The following PIEZO1 variants were observed in gnomAD, a reference collection of about 807,000 sequenced individuals.
The protein encoded by PIEZO1 is piezo-type mechanosensitive ion channel component 1.
A neutral mutation model predicts 297.2 loss-of-function variants in PIEZO1; 296 were observed. The ratio of observed to expected loss-of-function variants is 1.00; its 90% CI spans 0.91 to 1.10. PIEZO1 has a LOEUF of 1.10. Ranked by LOEUF, PIEZO1 falls within the 50% of genes least tolerant of loss-of-function variation. The pLI is 0.00. For synonymous variants in PIEZO1, 2,427 were observed against 1,507.5 expected (o/e 1.61, Z -14.13); for missense variants, 5,018 against 3,455.5 (o/e 1.45, Z -11.34).
At chr16:88,751,111 GGCCCA>G (rs967544320) in intron 1 of PIEZO1, among the ~76,000 whole-genome samples, 2 of 152,142 alleles carry the variant, frequency 1.3e-5, no homozygotes, top group African/African-American at 2.4e-5. Context: ...TCTGGAGGGA[GGCCCA>G]GCCCAGCCCA....
chr16:88,721,242 A>G lies in PIEZO1; in HGVS notation c.5592T>C (p.Arg1864=). 1 of 1,541,506 alleles carries G rather than the reference A, an allele frequency of 6.5e-7. No homozygotes were observed. ...AACGTAGACTGATGCGCCTCGTATC[A>G]CGGGGCCTGAGCTCCACTTGGGGTT... ...TPEPQVELRP[R]DTRRISLRFR... The change falls in exon 39 of 51, where the codon CGT becomes CGC. Residue 1864 remains arginine, a synonymous_variant. Transcript: ENST00000301015.
At chr16:88,742,657 GC>G (rs1905763527) in intron 2 of PIEZO1, 1 of 519,988 alleles carries the variant, frequency 1.9e-6, no homozygotes, top group Admixed American at 3.6e-5. Context: ...AGCAGGATGG[GC>G]CTGGGGCCCA....
chr16:88,736,011 G>T, intron 12 of PIEZO1, 137 bp downstream of exon 12: 4 of 851,974 alleles, frequency 4.7e-6, no homozygotes, highest in Admixed American at 2.8e-5. Context: ...CTGGCTCTGG[G>T]TGGGCAGAAG....
At chr16:88,773,119 C>A (rs182784200) in intron 1 of PIEZO1, among the ~76,000 whole-genome samples, 8 of 152,394 alleles carry the variant, frequency 5.2e-5, no homozygotes, top group Non-Finnish European at 1.0e-4. Flanking sequence ...CTGTCACCAG[C>A]GGCTCCAGCC....
At chr16:88,758,663 C>A (rs373616260) in intron 1 of PIEZO1, among the ~76,000 whole-genome samples, 3 of 152,208 alleles carry the variant, frequency 2.0e-5, no homozygotes, top group East Asian at 1.9e-4. Flanking sequence ...CCCTGTGGGT[C>A]GTGTCTGTAT....
Position 88,726,874 on chromosome 16 carries a change from G to A in PIEZO1, c.3540C>T (p.Thr1180=). 1 of 1,550,400 alleles carries A rather than the reference G, an allele frequency of 6.4e-7. No homozygotes were observed. Among genetic ancestry groups the A allele is most frequent in the Non-Finnish European group, 8.7e-7 (1 of 1,146,920 alleles). The change falls in exon 25 of 51, where the codon ACC becomes ACT. Residue 1180 remains threonine (T), a synonymous_variant. Transcript: ENST00000301015. The stretch of plus-strand genomic sequence containing the variant: ...AGCCCAGCCCGAAGATGCTGATGCG[G>A]GTGGCCCCCGTGACAAACACCACCA... ...VLVVVFVTGA[T]RISIFGLGYL...
At chr16:88,750,558 G>C (rs752752766) in intron 1 of PIEZO1, among the ~76,000 whole-genome samples, 1 of 152,224 alleles carries the variant, frequency 6.6e-6, no homozygotes, top group Non-Finnish European at 1.5e-5. Flanking sequence ...AGTCCGGCCA[G>C]TGCCTGCATC....
At position 88,722,976 on chromosome 16, in the gene PIEZO1, G is replaced by T. The variant is rs8055062; in HGVS notation, c.4529C>A (p.Thr1510Lys). The change falls in exon 34 of 51, where the codon ACG becomes AAG. Residue 1510 changes from threonine to lysine, a missense_variant. Thr to Lys is a moderately conservative substitution (Grantham distance 78). Coordinates refer to ENST00000301015, the MANE Select transcript of PIEZO1 (RefSeq NM_001142864.4). ...RSHVVQRVLS[T>K]AQFLWMLGQA... is the part of the protein sequence containing the mutation. Reference sequence around the variant, plus strand: ...CCCCAGCATCCACAGGAACTGCGCCGTGCTCAGCACCCTCTGCACCACATG... The same window carrying T: ...CCCCAGCATCCACAGGAACTGCGCCTTGCTCAGCACCCTCTGCACCACATG... The T allele has an allele frequency of 1.9e-6, 3 of 1,548,356 alleles. No homozygotes were observed. Among genetic ancestry groups the T allele is most frequent in the African/African-American group, 1.4e-5 (1 of 73,024 alleles).
In PIEZO1 at chr16:88,716,605, T is replaced by A; in HGVS notation, c.6880A>T (p.Asn2294Tyr). 6.5e-7 allele frequency: 1 copy of A among 1,549,800 alleles called. No individual in the cohort carries two copies. The change falls in exon 47 of 51, where the codon AAC (asparagine) becomes TAC (tyrosine). Residue 2294 changes from asparagine to tyrosine, a missense_variant. Physicochemically the swap from Asn to Tyr is moderately radical, Grantham distance 143. Coordinates refer to ENST00000301015, the MANE Select transcript of PIEZO1 (RefSeq NM_001142864.4). Reference sequence around the variant, plus strand: ...CGCAGGGTGATGTCGGCCGTGCCGTTGTAGAGCTCCCGCTTCATCTGGGCA... The same window carrying A: ...CGCAGGGTGATGTCGGCCGTGCCGTAGTAGAGCTCCCGCTTCATCTGGGCA... ...SRAQMKRELY[N>Y]GTADITLRFT...
chr16:88,737,012 G>A (rs755211463), intron 10 of PIEZO1: 4 of 358,768 alleles, frequency 1.1e-5, no homozygotes, highest in Non-Finnish European at 2.0e-5. Flanking sequence ...CTGCGCACCT[G>A]AAGACTCTCA....
chr16:88,733,074 C>A (rs886654600), intron 19 of PIEZO1: 1 of 602,672 alleles, frequency 1.7e-6, no homozygotes, highest in Non-Finnish European at 2.9e-6. Context: ...TACTGGACAC[C>A]CTTGTGTGCA....
intron 1 of PIEZO1, among the ~76,000 whole-genome samples, chr16:88,757,415 T>C (rs1567687666): frequency 6.8e-6 from 1 of 146,992 alleles, no homozygotes; most frequent in South Asian, 2.1e-4. Context: ...ACTGGCAGCC[T>C]GTGAGAGCAG....
In PIEZO1 at chr16:88,721,994, C is replaced by A. The variant is rs1904282319; in HGVS notation, c.5028G>T (p.Leu1676=). The A allele has an allele frequency of 6.5e-7, 1 of 1,549,282 alleles. No homozygotes were observed. The highest frequency in any genetic ancestry group is 8.7e-7 in the Non-Finnish European group (1 of 1,146,742). ...AEGQGRALRL[L]RAVYQCVAAH... is the part of the protein sequence containing the mutation. ...CGGCCACACACTGGTACACGGCCCG[C>A]AGCAGCCGCAGCGCCCGGCCCTGCC... The change falls in exon 37 of 51, where the codon CTG becomes CTT. Residue 1676 remains leucine (L), a synonymous_variant. Transcript: ENST00000301015.
intron 22 of PIEZO1, among the ~76,000 whole-genome samples, chr16:88,728,150 G>A (rs1904588373): frequency 6.6e-6 from 1 of 152,252 alleles, no homozygotes; most frequent in Non-Finnish European, 1.5e-5. Context: ...AGACCTAAAG[G>A]CCACCTGCTG....
intron 1 of PIEZO1, among the ~76,000 whole-genome samples, chr16:88,755,418 A>C (rs2142874040): frequency 6.6e-6 from 1 of 152,276 alleles, no homozygotes; most frequent in African/African-American, 2.4e-5. Context: ...TTTCTTCCTA[A>C]ACAAACCCGG....
chr16:88,740,102 T>TCA (rs1905540685), intron 5 of PIEZO1: 1 of 151,776 alleles, frequency 6.6e-6, no homozygotes, highest in Admixed American at 6.6e-5. Context: ...CAGACGCCCC[T>TCA]CACCCTCCTC....
chr16:88,738,950 G>A, intron 5 of PIEZO1: 1 of 590,438 alleles, frequency 1.7e-6, no homozygotes, highest in East Asian at 2.8e-5. Flanking sequence ...AGTTCCTGCA[G>A]GCCTTCCTGG....
intron 1 of PIEZO1, among the ~76,000 whole-genome samples, chr16:88,761,125 G>T (rs1352671906): frequency 1.3e-5 from 2 of 152,228 alleles, no homozygotes; most frequent in Non-Finnish European, 2.9e-5. Context: ...CAGGAACAGA[G>T]GGTCAGCAGG....
At chr16:88,719,203 G>T (rs986902646) in intron 44 of PIEZO1, 7 of 243,958 alleles carry the variant, frequency 2.9e-5, no homozygotes, top group Non-Finnish European at 4.9e-5. Context: ...GAATCCACTA[G>T]AAACCCCTGA....
Sources: allele counts gnomAD v4.1 joint callset (sites outside exome capture counted in the v4.1 genomes callset), GRCh38; gene constraint gnomAD v4.1.1; transcripts MANE v1.5; gene names NCBI Gene and HGNC (gene_info 2026-07-23, HGNC 2026-07-21).